The following MEF2B variants were observed in gnomAD, a reference collection of about 807,000 sequenced individuals.
MEF2B encodes myocyte enhancer factor 2B, also known as myocyte-specific enhancer factor 2B.
Under a neutral mutation model 32.2 loss-of-function variants are expected in MEF2B, and 15 were observed. The observed-to-expected ratio is 0.47, with a 90% CI of 0.31 to 0.72. The LOEUF is 0.72. Ranked by LOEUF, MEF2B falls within the 30% of genes least tolerant of loss-of-function variation. The pLI, the probability that MEF2B is intolerant of heterozygous loss-of-function variation, is 0.05. For synonymous variants in MEF2B, 205 were observed against 225.6 expected, an observed-to-expected ratio of 0.91 and a Z score of 0.82; for missense variants, 441 against 511.5, an observed-to-expected ratio of 0.86 and a Z score of 1.33.
Position 19,147,215 on chromosome 19 carries a change from C to CTGTTTGCCTGTTGAACT in MEF2B, c.394-33_394-32insAGTTCAACAGGCAAACA. 6 of 1,357,724 alleles carry CTGTTTGCCTGTTGAACT rather than the reference C, an allele frequency of 4.4e-6. 3 individuals are homozygous for CTGTTTGCCTGTTGAACT. The highest frequency in any genetic ancestry group is 2.0e-6 in the Non-Finnish European group (2 of 1,016,604). The allele number at this position is 1,357,724 out of a possible 1,614,324, so 84.1% of individuals were successfully genotyped here. A position where few individuals can be genotyped will look rare whatever the true frequency, so the allele number is the denominator to read the frequency against. The stretch of plus-strand genomic sequence containing the variant: ...GTAGAGAAGGGATGGGTCAGAGGAC[C>CTGTTTGCCTGTTGAACT]CCAGGCCAGATGGGGGTGCCAAGTC... On this transcript the variant is annotated intron_variant, in intron 4 of 8. Coordinates refer to ENST00000424583, the MANE Select transcript of MEF2B (RefSeq NM_001145785.2).
intron 1 of MEF2B, among the ~76,000 whole-genome samples, chr19:19,163,871 G>C (rs559253446): frequency 1.3e-5 from 2 of 152,074 alleles, no homozygotes; most frequent in South Asian, 4.2e-4. Flanking sequence ...GTCTCACTAG[G>C]TTGCCCAAGC....
intron 2 of MEF2B, among the ~76,000 whole-genome samples, 158 bp downstream of exon 2, chr19:19,150,523 CA>C (rs67741867): frequency 0.21 from 22,153 of 103,372 alleles, 1,969 homozygotes; most frequent in African/African-American, 0.36. Flanking sequence ...GACTTCATCT[CA>C]AAAAAAAAAA....
intron 1 of MEF2B, among the ~76,000 whole-genome samples, chr19:19,159,205 T>C (rs1004776795): frequency 2.2e-5 from 3 of 134,190 alleles, no homozygotes; most frequent in African/African-American, 8.7e-5. Flanking sequence ...CCTCCCAAAG[T>C]GCTGGGATTA....
Position 19,146,394 on chromosome 19 carries a change from A to G in MEF2B, c.770-10T>C, listed in dbSNP as rs1398629580. ...TCTCCCAGGCCATATTCTGGTGGGC[A>G]GGAATTGGGGGCTGAGGCCTGGACA... is the stretch of plus-strand genomic sequence containing the variant. On this transcript the variant is annotated splice_polypyrimidine_tract_variant and intron_variant, in intron 7 of 8. Transcript: ENST00000424583. 4 of 1,086,110 alleles carry G rather than the reference A, an allele frequency of 3.7e-6. No individual in the cohort carries two copies. In the East Asian group the frequency reaches 8.9e-5, roughly 24 times the overall value. The allele number at this position is 1,086,110 out of a possible 1,614,324, so 67.3% of individuals were successfully genotyped here. A position where few individuals can be genotyped will look rare whatever the true frequency, so the allele number is the denominator to read the frequency against.
intron 1 of MEF2B, among the ~76,000 whole-genome samples, chr19:19,164,842 C>A (rs1264788800): frequency 3.9e-5 from 6 of 152,176 alleles, no homozygotes; most frequent in African/African-American, 1.4e-4. Flanking sequence ...TCTCAGGCCC[C>A]TAGTGATGTC....
chr19:19,150,812 G>C, intron 1 of MEF2B, 48 bp from the exon 2 acceptor site: 2 of 1,606,950 alleles, frequency 1.2e-6, no homozygotes, highest in Admixed American at 3.3e-5. Context: ...GGAGAGTGGG[G>C]AGGGGTACCC....
At chr19:19,169,053 A>G (rs2060232299) in intron 1 of MEF2B, among the ~76,000 whole-genome samples, 1 of 151,864 alleles carries the variant, frequency 6.6e-6, no homozygotes, top group Admixed American at 6.6e-5. Flanking sequence ...CTCTGTCTCA[A>G]AAAAAATTTT....
chr19:19,160,506 G>A (rs546923260), intron 1 of MEF2B, among the ~76,000 whole-genome samples: 4 of 152,192 alleles, frequency 2.6e-5, no homozygotes, highest in East Asian at 1.9e-4. Flanking sequence ...GCACCCCTGC[G>A]GGACTTTACT....
At chr19:19,159,581 G>A (rs1215093517) in intron 1 of MEF2B, among the ~76,000 whole-genome samples, 1 of 152,196 alleles carries the variant, frequency 6.6e-6, no homozygotes, top group Non-Finnish European at 1.5e-5. Flanking sequence ...AAGGGTGCAG[G>A]ATGTGCTGGT....
chr19:19,153,608 C>G (rs2060099814), intron 1 of MEF2B, among the ~76,000 whole-genome samples: 1 of 152,030 alleles, frequency 6.6e-6, no homozygotes, highest in South Asian at 2.1e-4. Context: ...GGGCATGCAC[C>G]ACCACACCTC....
At position 19,147,220 on chromosome 19, in the gene MEF2B, G is replaced by A. The variant is rs184333206; in HGVS notation, c.394-37C>T. 200 of 699,330 alleles carry A rather than the reference G, an allele frequency of 2.9e-4. 49 individuals are homozygous for A. The African/African-American group carries it at 4.7e-3, about 16-fold the overall frequency. The allele number at this position is 699,330 out of a possible 1,614,324, so 43.3% of individuals were successfully genotyped here. On this transcript the variant is annotated intron_variant, in intron 4 of 8. Transcript: ENST00000424583. Reference sequence around the variant, plus strand: ...GAAGGGATGGGTCAGAGGACCCCAGGCCAGATGGGGGTGCCAAGTCCAAGG... The same window carrying A: ...GAAGGGATGGGTCAGAGGACCCCAGACCAGATGGGGGTGCCAAGTCCAAGG...
At chr19:19,150,857 G>T in intron 1 of MEF2B, 93 bp from the exon 2 acceptor site, 2 of 1,439,210 alleles carry the variant, frequency 1.4e-6, no homozygotes, top group Non-Finnish European at 1.9e-6. Flanking sequence ...GCCCCTGCCA[G>T]CCACTGAGAG....
chr19:19,149,468 A>G, intron 2 of MEF2B, 39 bp from the exon 3 acceptor site: 1 of 1,612,610 alleles, frequency 6.2e-7, no homozygotes, highest in Non-Finnish European at 8.5e-7. Flanking sequence ...AGAGAAGAAG[A>G]AGAGATGAAT....
chr19:19,148,680 C>CTTATTTATTTAT (rs200858994), intron 3 of MEF2B, among the ~76,000 whole-genome samples: 11 of 142,160 alleles, frequency 7.7e-5, no homozygotes, highest in South Asian at 2.3e-4. Context: ...ACTCCTCTGT[C>CTTATTTATTTAT]TTATTTATTT....
At position 19,145,685 on chromosome 19, in the gene MEF2B, AG is replaced by A. The variant is rs1342065183; in HGVS notation, c.*111del. ...GCCCACCTCCAAGCCCCCACCGCGGAGGGGGGCGTCACTGTTGGGTCTTCTC... is the reference window on the plus strand; with the variant it reads ...GCCCACCTCCAAGCCCCCACCGCGGAGGGGGCGTCACTGTTGGGTCTTCTC... On this transcript the variant is annotated 3_prime_UTR_variant, in exon 9 of 9. Coordinates refer to ENST00000424583, the MANE Select transcript of MEF2B (RefSeq NM_001145785.2). This position sits in a 1 kb window ranked among gnomAD's most constrained non-coding sequence, Gnocchi z 4.6. 1 of 1,549,134 alleles carries A rather than the reference AG, an allele frequency of 6.5e-7. No individual in the cohort carries two copies. Among genetic ancestry groups the A allele is most frequent in the East Asian group, 2.4e-5 (1 of 41,208 alleles).
At chr19:19,168,816 A>G (rs1296106083) in intron 1 of MEF2B, among the ~76,000 whole-genome samples, 1 of 151,880 alleles carries the variant, frequency 6.6e-6, no homozygotes, top group Non-Finnish European at 1.5e-5. Flanking sequence ...TAATCCTAGC[A>G]CTTTGGGAGG....
chr19:19,164,383 T>C (rs534998888), intron 1 of MEF2B, among the ~76,000 whole-genome samples: 2 of 152,278 alleles, frequency 1.3e-5, no homozygotes, highest in Non-Finnish European at 2.9e-5. Context: ...AAACAGCCAA[T>C]TGGACAGTGC....
rs999239254 is a variant in MEF2B, at chr19:19,145,758, C to G, written c.*39G>C. Reference sequence around the variant, plus strand: ...GGGGTCCCCACGTGCCCTCGCCGTACCTGGCGAGCGCTCTGGGCTGGTGCC... The same window carrying G: ...GGGGTCCCCACGTGCCCTCGCCGTAGCTGGCGAGCGCTCTGGGCTGGTGCC... On this transcript the variant is annotated 3_prime_UTR_variant, in exon 9 of 9. Transcript: ENST00000424583. The surrounding 1 kb of genome is among the most constrained non-coding windows in gnomAD (Gnocchi z 4.6). 34 of 1,556,504 alleles carry G rather than the reference C, an allele frequency of 2.2e-5. 1 individual carries two copies. Among genetic ancestry groups the G allele is most frequent in the Middle Eastern group, 3.3e-4 (2 of 5,996 alleles).
chr19:19,150,417 C>T (rs565301180), intron 2 of MEF2B, among the ~76,000 whole-genome samples: 2 of 151,344 alleles, frequency 1.3e-5, no homozygotes, highest in African/African-American at 4.9e-5. Context: ...ATCCCAGCTA[C>T]TCAGGAGGCT....
Sources: allele counts gnomAD v4.1 joint callset (sites outside exome capture counted in the v4.1 genomes callset), GRCh38; gene constraint gnomAD v4.1.1; non-coding constraint Gnocchi (gnomAD v3.1); transcripts MANE v1.5; gene names NCBI Gene and HGNC (gene_info 2026-07-23, HGNC 2026-07-21).